Variants in ALS2CL observed in about 807,000 individuals in gnomAD.
ALS2CL encodes ALS2 C-terminal like, also known as ALS2 C-terminal-like protein.
In ALS2CL, 112 loss-of-function variants were observed where a neutral mutation model predicts 127.9. That is an observed-to-expected ratio of 0.88 (90% CI 0.75 to 1.02). The LOEUF (loss-of-function observed/expected upper bound fraction) is 1.02. Among genes scored for constraint, ALS2CL ranks in the 50% least tolerant of loss-of-function variants. The pLI, the probability that ALS2CL is intolerant of heterozygous loss-of-function variation, is 0.00. For synonymous variants in ALS2CL, 519 were observed against 527.6 expected (o/e 0.98, Z 0.22); for missense variants, 1,174 against 1,236.7 (o/e 0.95, Z 0.76).
At chr3:46,673,620 A>G (rs566786310) in intron 21 of ALS2CL, among the ~76,000 whole-genome samples, 19 of 152,234 alleles carry the variant, frequency 1.2e-4, no homozygotes, top group African/African-American at 4.3e-4. Context: ...GGTGACCAGT[A>G]GAGAGGGAGG....
At chr3:46,680,315 C>T (rs1699212468) in intron 14 of ALS2CL, 115 bp downstream of exon 14, 1 of 1,172,288 alleles carries the variant, frequency 8.5e-7, no homozygotes, top group Non-Finnish European at 1.2e-6. Context: ...CCCTCCAGCA[C>T]CCAGGAACAC....
chr3:46,679,087 G>T, intron 15 of ALS2CL, 123 bp downstream of exon 15: 1 of 1,000,794 alleles, frequency 1.0e-6, no homozygotes, highest in Non-Finnish European at 1.5e-6. Context: ...CCCACTCCTT[G>T]GCTCCAAGGG....
chr3:46,683,680 C>G, intron 9 of ALS2CL, 102 bp downstream of exon 9: 2 of 1,417,590 alleles, frequency 1.4e-6, no homozygotes, highest in Admixed American at 1.7e-5. Flanking sequence ...GCCAGACACT[C>G]GCCGGCACTC....
rs143925967 is a variant in ALS2CL at position 46,689,410 on chromosome 3, G to A, written c.31C>T (p.Arg11Trp). ...GTGGCTGAGAAGACCTCCTCCAGCC[G>A]CAGCAGAGCTGCCTCCTCAGGGTTG... MCNPEEAALL[R>W]LEEVFSATLA... Residue 11 changes from arginine (R) to tryptophan (W), a missense_variant, in exon 2 of 26, where the codon CGG becomes TGG. Coordinates refer to ENST00000318962, the MANE Select transcript of ALS2CL (RefSeq NM_147129.5). 32 of 1,611,638 alleles carry A rather than the reference G, an allele frequency of 2.0e-5. No homozygotes were observed. The highest frequency in any genetic ancestry group is 1.7e-4 in the Middle Eastern group (1 of 6,046).
chr3:46,676,558 C>A, intron 18 of ALS2CL, 84 bp downstream of exon 18: 1 of 1,552,726 alleles, frequency 6.4e-7, no homozygotes, highest in Non-Finnish European at 8.8e-7. Flanking sequence ...CTTCAGTCAG[C>A]ACCCTGCTAT....
intron 1 of ALS2CL, among the ~76,000 whole-genome samples, chr3:46,691,057 C>T (rs1347656808): frequency 6.6e-6 from 1 of 152,216 alleles, no homozygotes; most frequent in Non-Finnish European, 1.5e-5. Flanking sequence ...AGCTTCTGTG[C>T]TGCAGCTTCT....
At position 46,676,820 on chromosome 3, in the gene ALS2CL, CCTGTGCATGCT is replaced by C; in HGVS notation, c.1931+18_1931+28del. 1 of 812,792 alleles carries C rather than the reference CCTGTGCATGCT, an allele frequency of 1.2e-6. No individual in the cohort carries two copies. The allele number at this position is 812,792 out of a possible 1,614,324, so 50.3% of individuals were successfully genotyped here. On this transcript the variant is annotated intron_variant, in intron 17 of 25. Coordinates refer to ENST00000318962, the MANE Select transcript of ALS2CL (RefSeq NM_147129.5). ...GGAAGCCCTCCCCAGCCCACCCTAA[CCTGTGCATGCT>C]CACACAGCCGGCCTCACCTCTCGCA...
intron 2 of ALS2CL, among the ~76,000 whole-genome samples, chr3:46,688,541 C>T (rs1699955344): frequency 6.6e-6 from 1 of 152,190 alleles, no homozygotes; most frequent in Admixed American, 6.5e-5. Flanking sequence ...ACCCACTCCT[C>T]ACTAAACAGG....
chr3:46,692,229 G>A (rs1700201701), intron 1 of ALS2CL, among the ~76,000 whole-genome samples: 3 of 152,166 alleles, frequency 2.0e-5, no homozygotes, highest in Non-Finnish European at 1.5e-5. Context: ...CATCCTGGAA[G>A]TGATGAGGAG....
In ALS2CL at chr3:46,691,560, G is replaced by T. The variant is rs1430017375; in HGVS notation, c.-26+2083C>A. Among the ~76,000 whole-genome samples the T allele has an allele frequency of 2.6e-5, 4 of 151,984 alleles. No individual in the cohort carries two copies. In the East Asian group the frequency reaches 7.7e-4, roughly 29 times the overall value. The stretch of plus-strand genomic sequence containing the variant: ...TCGTCCCCACTGCCCAGTCTCAGCT[G>T]CTCCCCCAGGAGCAGCCCTCACCTG... On this transcript the variant is annotated intron_variant, in intron 1 of 25. Coordinates refer to ENST00000318962, the MANE Select transcript of ALS2CL (RefSeq NM_147129.5).
In ALS2CL at chr3:46,686,293, A is replaced by C. The variant is rs376908153; in HGVS notation, c.666+15T>G. On this transcript the variant is annotated intron_variant, in intron 6 of 25. Coordinates refer to ENST00000318962, the MANE Select transcript of ALS2CL (RefSeq NM_147129.5). This position sits in a 1 kb window ranked among gnomAD's most constrained non-coding sequence, Gnocchi z 4.3. The stretch of plus-strand genomic sequence containing the variant: ...GGAACCCCCTCCCTAACTGCCCCTC[A>C]GGCCCCCAACTCACCCTCAGCCGGC... 2 of 1,595,544 alleles carry C rather than the reference A, an allele frequency of 1.3e-6. No homozygotes were observed. The highest frequency in any genetic ancestry group is 1.7e-6 in the Non-Finnish European group (2 of 1,171,028).
chr3:46,683,215 A>T lies in ALS2CL; in HGVS notation c.1024T>A (p.Cys342Ser). The T allele has an allele frequency of 1.1e-5, 18 of 1,609,556 alleles. No homozygotes were observed. Among genetic ancestry groups the T allele is most frequent in the Non-Finnish European group, 1.5e-5 (18 of 1,178,142 alleles). Residue 342 changes from cysteine to serine, a missense_variant, in exon 10 of 26, where the codon TGC becomes AGC. Cys to Ser is a moderately radical substitution (Grantham distance 112). Transcript: ENST00000318962. ...TCTGCCTGGAAGGTATATTCTGCGCAGCGGCAGTCGGGAGGCTGGGAGGGC... is the reference window on the plus strand; with the variant it reads ...TCTGCCTGGAAGGTATATTCTGCGCTGCGGCAGTCGGGAGGCTGGGAGGGC... ...LEPSQPPDCRCAEYTFQAEGR... is the reference protein window; with the variant it reads ...LEPSQPPDCRSAEYTFQAEGR...
intron 7 of ALS2CL, among the ~76,000 whole-genome samples, chr3:46,685,221 AACTC>A: frequency 6.6e-6 from 1 of 152,292 alleles, no homozygotes; most frequent in Middle Eastern, 3.4e-3. Flanking sequence ...CTGTAGAACA[AACTC>A]ACTCACAATG....
At chr3:46,677,121 T>A in intron 16 of ALS2CL, 99 bp from the exon 17 acceptor site, 1 of 1,494,602 alleles carries the variant, frequency 6.7e-7, no homozygotes, top group Non-Finnish European at 8.8e-7. Context: ...GGTATGAGCC[T>A]GGCCCAGGAT....
At position 46,670,032 on chromosome 3, in the gene ALS2CL, A is replaced by T. The variant is rs949699674; in HGVS notation, c.*952T>A. Reference sequence around the variant, plus strand: ...CCTCTCCCTACGCTTTGCCCTGGACACTTTCAGAACACATCACACTGCCTG... The same window carrying T: ...CCTCTCCCTACGCTTTGCCCTGGACTCTTTCAGAACACATCACACTGCCTG... On this transcript the variant is annotated 3_prime_UTR_variant, in exon 26 of 26. Coordinates refer to ENST00000318962, the MANE Select transcript of ALS2CL (RefSeq NM_147129.5). The surrounding 1 kb of genome is among the most constrained non-coding windows in gnomAD (Gnocchi z 5.5). 2.6e-5 allele frequency: 4 copies of T among 152,280 alleles called. No homozygotes were observed. Among genetic ancestry groups the T allele is most frequent in the African/African-American group, 9.7e-5 (4 of 41,450 alleles). 9.4% of individuals were successfully genotyped at this position (152,280 alleles called of 1,614,324 possible). A position where few individuals can be genotyped will look rare whatever the true frequency, so the allele number is the denominator to read the frequency against.
At chr3:46,684,090 G>A in intron 7 of ALS2CL, 43 bp from the exon 8 acceptor site, 1 of 1,547,158 alleles carries the variant, frequency 6.5e-7, no homozygotes, top group Non-Finnish European at 8.7e-7. Context: ...GCCCAGGCCA[G>A]ATGCTCACCT....
At chr3:46,690,290 G>T (rs1700078247) in intron 1 of ALS2CL, among the ~76,000 whole-genome samples, 1 of 152,230 alleles carries the variant, frequency 6.6e-6, no homozygotes, top group Non-Finnish European at 1.5e-5. Context: ...AGTTCAATGT[G>T]GATGGGAGCC....
chr3:46,678,116 G>A, intron 16 of ALS2CL, 143 bp downstream of exon 16: 2 of 905,946 alleles, frequency 2.2e-6, no homozygotes, highest in Non-Finnish European at 2.9e-6. Context: ...TCTGACTGGA[G>A]TTGTACACCC....
chr3:46,684,073 A>G (rs1001277757), intron 7 of ALS2CL, 26 bp from the exon 8 acceptor site: 1 of 1,551,232 alleles, frequency 6.4e-7, no homozygotes, highest in East Asian at 2.4e-5. Context: ...CACAGGAGTC[A>G]TCCAGAGCCC....
Sources: allele counts gnomAD v4.1 joint callset (sites outside exome capture counted in the v4.1 genomes callset), GRCh38; gene constraint gnomAD v4.1.1; non-coding constraint Gnocchi (gnomAD v3.1); transcripts MANE v1.5; gene names NCBI Gene and HGNC (gene_info 2026-07-23, HGNC 2026-07-21).